Variants in AKAP6 observed in about 807,000 individuals in gnomAD.
The protein encoded by AKAP6 is A-kinase anchor protein 6.
AKAP6 carries 58 observed loss-of-function variants against 188.5 expected under a neutral mutation model. That is an observed-to-expected ratio of 0.31 (90% CI 0.25 to 0.38). AKAP6 has a LOEUF of 0.38. Ranked by LOEUF, AKAP6 falls within the 10% of genes least tolerant of loss-of-function variation. The probability of loss-of-function intolerance (pLI) is 1.00; values close to 1 mark genes in which losing one functional copy is unlikely to be tolerated. For missense variants in AKAP6, 2,710 were observed against 2,740.0 expected (o/e 0.99, Z 0.24); for synonymous variants, 989 against 998.6 (o/e 0.99, Z 0.18).
At chr14:32,408,100 T>G (rs1393087337) in intron 1 of AKAP6, among the ~76,000 whole-genome samples, 2 of 152,132 alleles carry the variant, frequency 1.3e-5, no homozygotes, top group East Asian at 3.8e-4. Context: ...GGAAAACTTC[T>G]AAGAAGGTAG....
chr14:32,687,340 G>A (rs959734867), intron 8 of AKAP6, among the ~76,000 whole-genome samples: 1 of 151,672 alleles, frequency 6.6e-6, no homozygotes, highest in African/African-American at 2.4e-5. Flanking sequence ...GCCATGGGGT[G>A]ATCTTTCTGG....
At chr14:32,424,248 A>T (rs1452037972) in intron 1 of AKAP6, among the ~76,000 whole-genome samples, 1 of 152,076 alleles carries the variant, frequency 6.6e-6, no homozygotes, top group Admixed American at 6.6e-5. Flanking sequence ...TTTATTCCAA[A>T]CTCCATAACA....
At chr14:32,360,753 A>AG (rs1887631997) in intron 1 of AKAP6, among the ~76,000 whole-genome samples, 1 of 83,612 alleles carries the variant, frequency 1.2e-5, no homozygotes, top group Non-Finnish European at 2.8e-5. Context: ...GTGTGTGTGC[A>AG]TGCATTTTTT....
intron 1 of AKAP6, among the ~76,000 whole-genome samples, chr14:32,389,227 C>T (rs551946819): frequency 1.2e-4 from 18 of 151,928 alleles, no homozygotes; most frequent in South Asian, 8.3e-4. Context: ...TAAGTTTGTG[C>T]GAGTCCTTAT....
chr14:32,795,541 A>T (rs538928051), intron 12 of AKAP6, among the ~76,000 whole-genome samples: 1 of 152,236 alleles, frequency 6.6e-6, no homozygotes, highest in Non-Finnish European at 1.5e-5. Flanking sequence ...ACAAAAATCT[A>T]CATGATTATC....
At chr14:32,396,337 G>A (rs1594574421) in intron 1 of AKAP6, among the ~76,000 whole-genome samples, 3 of 152,078 alleles carry the variant, frequency 2.0e-5, no homozygotes, top group Non-Finnish European at 1.5e-5. Flanking sequence ...CATGTCCTTG[G>A]AAACTCATTA....
chr14:32,495,363 T>G (rs1264822740), intron 2 of AKAP6: 2 of 152,254 alleles, frequency 1.3e-5, no homozygotes, highest in African/African-American at 4.8e-5. Context: ...GCAGCCTGTT[T>G]AGGACCACAC....
intron 1 of AKAP6, among the ~76,000 whole-genome samples, chr14:32,368,801 G>A (rs981940454): frequency 7.9e-5 from 12 of 151,054 alleles, no homozygotes; most frequent in African/African-American, 2.9e-4. Flanking sequence ...GGTTTTGCTA[G>A]TTATCAAATA....
chr14:32,496,426 A>G lies in AKAP6; in HGVS notation c.325-39128A>G, dbSNP rs78855697. Among the ~76,000 whole-genome samples, 60 of 152,198 alleles carry G rather than the reference A, an allele frequency of 3.9e-4. 1 individual carries two copies. The East Asian group carries it at 0.011, about 29-fold the overall frequency. On this transcript the variant is annotated intron_variant, in intron 2 of 13. Transcript: ENST00000280979. ...TATATGTACATGTGTATATATATGT[A>G]TATTATATGATCACATGAAGCCCTT...
intron 11 of AKAP6, 100 bp downstream of exon 11, chr14:32,735,982 C>G: frequency 1.2e-6 from 1 of 846,392 alleles, no homozygotes; most frequent in South Asian, 1.8e-5. Flanking sequence ...ATCTGTGTAT[C>G]ACTGTGCACC....
intron 12 of AKAP6, among the ~76,000 whole-genome samples, chr14:32,797,937 A>C (rs1566718891): frequency 2.0e-5 from 3 of 151,786 alleles, no homozygotes; most frequent in Non-Finnish European, 4.4e-5. Flanking sequence ...AAAAAAAAAA[A>C]AAACCATTAA....
intron 2 of AKAP6, among the ~76,000 whole-genome samples, chr14:32,439,536 C>T (rs934030922): frequency 6.6e-6 from 1 of 152,178 alleles, no homozygotes; most frequent in African/African-American, 2.4e-5. Flanking sequence ...GCCAACTTTC[C>T]CCTTGTTCAG....
intron 9 of AKAP6, among the ~76,000 whole-genome samples, chr14:32,703,796 A>G (rs1481290090): frequency 2.0e-5 from 3 of 152,236 alleles, no homozygotes; most frequent in African/African-American, 4.8e-5. Context: ...ATCTCATTTC[A>G]GTAAAGAGGC....
Position 32,545,440 on chromosome 14 carries a change from A to G in AKAP6, c.787A>G (p.Lys263Glu), listed in dbSNP as rs761996053. Residue 263 changes from lysine (K) to glutamate (E), a missense_variant, in exon 4 of 14, where the codon AAG becomes GAG. Around this residue, in one of 2 missense-constraint regions of AKAP6, gnomAD observed 2,473 missense variants for 2,426.1 expected, o/e 1.02. Coordinates refer to ENST00000280979, the MANE Select transcript of AKAP6 (RefSeq NM_004274.5). ...CTCTTGGAGCTACAGTGAGATGGAA[A>G]AGGAGTTTCCTGAGCTTATCCGAAG... ...FDSWSYSEMEKEFPELIRSVG... is the reference protein window; with the variant it reads ...FDSWSYSEMEEEFPELIRSVG... 7 of 1,614,090 alleles carry G rather than the reference A, an allele frequency of 4.3e-6. No individual in the cohort carries two copies. The highest frequency in any genetic ancestry group is 5.9e-6 in the Non-Finnish European group (7 of 1,180,040).
At chr14:32,459,965 G>A (rs528788807) in intron 2 of AKAP6, among the ~76,000 whole-genome samples, 38 of 152,218 alleles carry the variant, frequency 2.5e-4, no homozygotes, top group Middle Eastern at 3.4e-3. Context: ...AGGACTGCTG[G>A]CAGTGATTGG....
At chr14:32,511,121 T>C (rs988014953) in intron 2 of AKAP6, among the ~76,000 whole-genome samples, 3 of 152,172 alleles carry the variant, frequency 2.0e-5, no homozygotes, top group Non-Finnish European at 4.4e-5. Context: ...GCAGGGTCCA[T>C]TTTTTTGCTA....
intron 12 of AKAP6, among the ~76,000 whole-genome samples, chr14:32,804,330 G>T (rs1232732203): frequency 6.6e-6 from 1 of 152,052 alleles, no homozygotes; most frequent in Non-Finnish European, 1.5e-5. Flanking sequence ...CTTTCTCATT[G>T]CAGGCCAGAC....
At chr14:32,784,396 C>A (rs576719309) in intron 12 of AKAP6, among the ~76,000 whole-genome samples, 2 of 152,262 alleles carry the variant, frequency 1.3e-5, no homozygotes, top group East Asian at 3.9e-4. Flanking sequence ...TCTTAACAAA[C>A]CTCTCTACTG....
At chr14:32,537,042 T>G (rs1238846085) in intron 3 of AKAP6, among the ~76,000 whole-genome samples, 1 of 152,230 alleles carries the variant, frequency 6.6e-6, no homozygotes, top group Non-Finnish European at 1.5e-5. Flanking sequence ...GTTGCATAAT[T>G]CATTAATTTA....
Sources: allele counts gnomAD v4.1 joint callset (sites outside exome capture counted in the v4.1 genomes callset), GRCh38; gene constraint gnomAD v4.1.1; regional missense constraint gnomAD v4.1.1; transcripts MANE v1.5; gene names NCBI Gene and HGNC (gene_info 2026-07-23, HGNC 2026-07-21).